Variants in ATAD3C observed in about 807,000 individuals in gnomAD.
The protein encoded by ATAD3C is ATPase family AAA domain containing 3C, also known as ATPase family AAA domain-containing protein 3C.
Under a neutral mutation model 46.3 loss-of-function variants are expected in ATAD3C, and 38 were observed. That is an observed-to-expected ratio of 0.82 (90% CI 0.63 to 1.08). The LOEUF (loss-of-function observed/expected upper bound fraction) is 1.08. Ranked by LOEUF, ATAD3C falls within the 50% of genes least tolerant of loss-of-function variation. ATAD3C has a pLI of 0.00. For synonymous variants in ATAD3C, 220 were observed against 236.4 expected, an observed-to-expected ratio of 0.93 and a Z score of 0.63; for missense variants, 563 against 572.7, an observed-to-expected ratio of 0.98 and a Z score of 0.17.
intron 8 of ATAD3C, among the ~76,000 whole-genome samples, chr1:1,457,443 A>G (rs972333857): frequency 4.0e-5 from 6 of 151,178 alleles, no homozygotes; most frequent in Admixed American, 4.0e-4. Context: ...AAATACAAAA[A>G]AAATTAGCTG....
rs778659209 is a variant in ATAD3C at position 1,459,246 on chromosome 1, C to T, written c.812+15C>T. The T allele has an allele frequency of 4.6e-5, 74 of 1,611,736 alleles. No individual in the cohort carries two copies. Among genetic ancestry groups the T allele is most frequent in the Non-Finnish European group, 5.9e-5 (70 of 1,179,662 alleles). ...CACAGCAACAAGTGAGGGAGCCCCT[C>T]GGGTCCTGGGCCCCCGGGCAGGGCT... On this transcript the variant is annotated intron_variant, in intron 9 of 11. Coordinates refer to ENST00000378785, the MANE Select transcript of ATAD3C (RefSeq NM_001039211.3). The surrounding 1 kb of genome is among the most constrained non-coding windows in gnomAD (Gnocchi z 4.9).
rs1210231815 is a variant in ATAD3C, at chr1:1,457,977, A to G, written c.741+797A>G. ...AGGTGTGAGCCACTGCACCCGGTCT[A>G]TTTTTATTTTTATTTATTTGAGACA... On this transcript the variant is annotated intron_variant, in intron 8 of 11. Coordinates refer to ENST00000378785, the MANE Select transcript of ATAD3C (RefSeq NM_001039211.3). Among the ~76,000 whole-genome samples, 3 of 150,594 alleles carry G rather than the reference A, an allele frequency of 2.0e-5. No homozygotes were observed. The East Asian group carries it at 5.9e-4, about 30-fold the overall frequency.
intron 4 of ATAD3C, among the ~76,000 whole-genome samples, chr1:1,454,846 T>C (rs112357356): frequency 0.031 from 4,770 of 151,656 alleles, 263 homozygotes; most frequent in African/African-American, 0.11. Flanking sequence ...AGCCGCGCCG[T>C]TTGCCAGCCC....
chr1:1,456,196 TTC>T (rs1557777928), intron 6 of ATAD3C, 27 bp from the exon 7 acceptor site: 4 of 1,525,356 alleles, frequency 2.6e-6, no homozygotes, highest in Admixed American at 4.3e-5. Context: ...GGAACATCTG[TTC>T]TGTCTCCCCT....
In ATAD3C at chr1:1,455,464, T is replaced by C; in HGVS notation, c.383T>C (p.Val128Ala). Residue 128 changes from valine (V) to alanine (A), a missense_variant, in exon 5 of 12, where the codon GTC (valine) becomes GCC (alanine). Val to Ala is a moderately conservative substitution (Grantham distance 64). Around this residue, in one of 3 missense-constraint regions of ATAD3C, gnomAD observed 263 missense variants for 243.1 expected, o/e 1.08. Coordinates refer to ENST00000378785, the MANE Select transcript of ATAD3C (RefSeq NM_001039211.3). ...GTGCTTCCCCTTCCCCTCCAGCAGG[T>C]CAGCCGGCGGCTCCTCAGTCGACCC... ...LEALRHPIQQVSRRLLSRPQD... is the reference protein window; with the variant it reads ...LEALRHPIQQASRRLLSRPQD... The C allele has an allele frequency of 1.2e-6, 2 of 1,612,108 alleles. No individual in the cohort carries two copies. The highest frequency in any genetic ancestry group is 1.1e-5 in the South Asian group (1 of 90,842).
Position 1,468,848 on chromosome 1 carries a change from G to C in ATAD3C, c.*318G>C, listed in dbSNP as rs1452115456. On this transcript the variant is annotated 3_prime_UTR_variant, in exon 12 of 12. Transcript: ENST00000378785. ...GCCGTGCATACGCGGGTGCCCCTTCGCCTCCCTCCCCTCCGCCAGAGCTGC... is the reference window on the plus strand; with the variant it reads ...GCCGTGCATACGCGGGTGCCCCTTCCCCTCCCTCCCCTCCGCCAGAGCTGC... The C allele has an allele frequency of 1.1e-5, 4 of 348,568 alleles. No homozygotes were observed. The highest frequency in any genetic ancestry group is 1.6e-5 in the Non-Finnish European group (3 of 185,982). The allele number at this position is 348,568 out of a possible 1,614,324, so 21.6% of individuals were successfully genotyped here.
chr1:1,451,762 G>C (rs1177907608), intron 1 of ATAD3C, among the ~76,000 whole-genome samples: 2 of 152,056 alleles, frequency 1.3e-5, no homozygotes, highest in Non-Finnish European at 2.9e-5. Flanking sequence ...GCCTGAATCA[G>C]GGCAGTGGTG....
At chr1:1,460,709 C>T in intron 9 of ATAD3C, 41 bp from the exon 10 acceptor site, 2 of 1,554,854 alleles carry the variant, frequency 1.3e-6, no homozygotes, top group African/African-American at 1.4e-5. Flanking sequence ...GACAGCTCGG[C>T]CGGCAGCCCC....
chr1:1,455,077 C>T (rs1443008129), intron 4 of ATAD3C, among the ~76,000 whole-genome samples: 8 of 151,348 alleles, frequency 5.3e-5, no homozygotes, highest in Non-Finnish European at 1.0e-4. Context: ...ATTAGCCGGG[C>T]GTGGTGGCGG....
At chr1:1,457,346 G>A (rs77814176) in intron 8 of ATAD3C, among the ~76,000 whole-genome samples, 166 bp downstream of exon 8, 12,635 of 151,800 alleles carry the variant, frequency 0.083, 1,436 homozygotes, top group East Asian at 0.46. Flanking sequence ...TGTAATACCA[G>A]CACTTTGGGA....
Position 1,468,395 on chromosome 1 carries a change from T to C in ATAD3C, c.1101T>C (p.Tyr367=), listed in dbSNP as rs746467774. The C allele has an allele frequency of 1.2e-6, 2 of 1,611,542 alleles. No homozygotes were observed. The highest frequency in any genetic ancestry group is 1.7e-6 in the Non-Finnish European group (2 of 1,178,996). ...QLAVSWQATA[Y]ASKDGVLTEA... ...TCTCTCCCCACTAGGCCACGGCGTA[T>C]GCCTCCAAGGACGGGGTCCTGACCG... Residue 367 remains tyrosine (Y), a synonymous_variant, in exon 12 of 12, where the codon TAT becomes TAC. Transcript: ENST00000378785.
chr1:1,463,916 A>AT (rs201328971), intron 11 of ATAD3C, among the ~76,000 whole-genome samples: 3,493 of 151,754 alleles, frequency 0.023, 169 homozygotes, highest in African/African-American at 0.08. Context: ...TGTCTTAAAA[A>AT]ATAAGAATAA....
chr1:1,468,651 G>T lies in ATAD3C; in HGVS notation c.*121G>T, dbSNP rs769857047. 15 of 1,562,556 alleles carry T rather than the reference G, an allele frequency of 9.6e-6. 1 individual carries two copies. The South Asian group carries it at 1.7e-4, about 18-fold the overall frequency. Reference sequence around the variant, plus strand: ...AAAGTCCCACGGGGGCCGCACCGCTGTGTCTATTGGCTGACACGGGGCGGG... The same window carrying T: ...AAAGTCCCACGGGGGCCGCACCGCTTTGTCTATTGGCTGACACGGGGCGGG... On this transcript the variant is annotated 3_prime_UTR_variant, in exon 12 of 12. Transcript: ENST00000378785.
At chr1:1,452,808 AAAAGAAAGAAAG>A (rs796788021) in intron 3 of ATAD3C, among the ~76,000 whole-genome samples, 1 of 129,080 alleles carries the variant, frequency 7.7e-6, no homozygotes, top group Non-Finnish European at 1.5e-5. Context: ...AAAAAAAAAA[AAAAGAAAGAAAG>A]AAAGAAAGAA....
Position 1,462,659 on chromosome 1 carries a change from C to T in ATAD3C, c.1040C>T (p.Thr347Ile), listed in dbSNP as rs975189462. The T allele has an allele frequency of 6.2e-7, 1 of 1,607,368 alleles. No individual in the cohort carries two copies. The highest frequency in any genetic ancestry group is 8.5e-7 in the Non-Finnish European group (1 of 1,177,356). Residue 347 changes from threonine to isoleucine, a missense_variant, in exon 11 of 12, where the codon ACA becomes ATA. By Grantham distance (89) the Thr-to-Ile change is moderately conservative (BLOSUM62 -1). This residue lies in a region of ATAD3C where 273 missense variants were observed against 253.5 expected (regional missense o/e 1.08). Coordinates refer to ENST00000378785, the MANE Select transcript of ATAD3C (RefSeq NM_001039211.3). The surrounding 1 kb of genome is among the most constrained non-coding windows in gnomAD (Gnocchi z 4.5). ...AAGTGCTTAGAGATCGCTCGGCTGA[C>T]AGAGGGCATGTCATGCCGGAAGATC... Reference protein sequence around the residue: ...GRKCLEIARLTEGMSCRKIAQ... With the variant: ...GRKCLEIARLIEGMSCRKIAQ...
intron 4 of ATAD3C, 84 bp from the exon 5 acceptor site, chr1:1,455,376 G>T: frequency 6.5e-7 from 1 of 1,548,914 alleles, no homozygotes; most frequent in Non-Finnish European, 8.8e-7. Context: ...CTCCGTTTCT[G>T]CGTGTTACCG....
chr1:1,468,426 A>G lies in ATAD3C; in HGVS notation c.1132A>G (p.Met378Val). The change falls in exon 12 of 12, where the codon ATG becomes GTG. Residue 378 changes from methionine to valine, a missense_variant. Met to Val is a conservative substitution (Grantham distance 21). Coordinates refer to ENST00000378785, the MANE Select transcript of ATAD3C (RefSeq NM_001039211.3). ...CAAGGACGGGGTCCTGACCGAGGCC[A>G]TGATGGACGCCTGCGTGCAAGACTT... ...ASKDGVLTEAMMDACVQDFVQ... is the reference protein window; with the variant it reads ...ASKDGVLTEAVMDACVQDFVQ... 6.2e-7 allele frequency: 1 copy of G among 1,613,148 alleles called. No homozygotes were observed. Among genetic ancestry groups the G allele is most frequent in the Non-Finnish European group, 8.5e-7 (1 of 1,179,510 alleles).
chr1:1,469,633 C>T lies in ATAD3C; in HGVS notation c.*1103C>T, dbSNP rs1639208929. On this transcript the variant is annotated 3_prime_UTR_variant, in exon 12 of 12. Transcript: ENST00000378785. ...TCAAGCAATCCTCCTGCCTCGGCTTCCTAAAGTGTTGGGATTACAGGCTTG... is the reference window on the plus strand; with the variant it reads ...TCAAGCAATCCTCCTGCCTCGGCTTTCTAAAGTGTTGGGATTACAGGCTTG... 1 of 151,186 alleles carries T rather than the reference C, an allele frequency of 6.6e-6. No homozygotes were observed. Among genetic ancestry groups the T allele is most frequent in the Non-Finnish European group, 1.5e-5 (1 of 67,886 alleles). The allele number at this position is 151,186 out of a possible 1,614,324, so 9.4% of individuals were successfully genotyped here.
At position 1,468,775 on chromosome 1, in the gene ATAD3C, A is replaced by C. The variant is rs1333801482; in HGVS notation, c.*245A>C. 6 of 725,740 alleles carry C rather than the reference A, an allele frequency of 8.3e-6. No homozygotes were observed. Among genetic ancestry groups the C allele is most frequent in the Non-Finnish European group, 1.3e-5 (6 of 467,192 alleles). 45.0% of individuals were successfully genotyped at this position (725,740 alleles called of 1,614,324 possible). On this transcript the variant is annotated 3_prime_UTR_variant, in exon 12 of 12. Coordinates refer to ENST00000378785, the MANE Select transcript of ATAD3C (RefSeq NM_001039211.3). Reference sequence around the variant, plus strand: ...TTAACCACAGAGGGGTGGGCTTCACAGGAGGTGGCTGCCACGGCGGGGCCG... The same window carrying C: ...TTAACCACAGAGGGGTGGGCTTCACCGGAGGTGGCTGCCACGGCGGGGCCG...
Sources: allele counts gnomAD v4.1 joint callset (sites outside exome capture counted in the v4.1 genomes callset), GRCh38; gene constraint gnomAD v4.1.1; regional missense constraint gnomAD v4.1.1; non-coding constraint Gnocchi (gnomAD v3.1); transcripts MANE v1.5; gene names NCBI Gene and HGNC (gene_info 2026-07-23, HGNC 2026-07-21).